Variants in PTPRD observed in about 807,000 individuals in gnomAD.
The protein encoded by PTPRD is receptor-type tyrosine-protein phosphatase delta.
PTPRD carries 34 observed loss-of-function variants against 214.5 expected under a neutral mutation model. The ratio of observed to expected loss-of-function variants is 0.16; its 90% CI spans 0.12 to 0.21. The LOEUF (loss-of-function observed/expected upper bound fraction) is 0.21, where lower values mean the gene tolerates loss of function less well. PTPRD is among the 10% of genes least tolerant of loss of function. PTPRD has a pLI of 1.00. For synonymous variants in PTPRD, 1,128 were observed against 845.7 expected, an observed-to-expected ratio of 1.33 and a Z score of -5.79; for missense variants, 2,545 against 2,398.7, an observed-to-expected ratio of 1.06 and a Z score of -1.27.
intron 9 of PTPRD, among the ~76,000 whole-genome samples, chr9:9,235,534 G>C (rs1403124476): frequency 6.6e-6 from 1 of 151,972 alleles, no homozygotes; most frequent in Admixed American, 6.6e-5. Context: ...CTTGTCTTTT[G>C]TTATAGGGGA....
In PTPRD at chr9:9,963,060, A is replaced by T. The variant is rs531329142; in HGVS notation, c.-471-24450T>A. Among the ~76,000 whole-genome samples, 259 of 152,210 alleles carry T rather than the reference A, an allele frequency of 1.7e-3. 1 individual carries two copies. The highest frequency in any genetic ancestry group is 6.0e-3 in the African/African-American group (250 of 41,562). ...GGTTATCTGACAAGCCTAGGGATGTATAAGAGATTTATTATTTCAGCCAGA... is the reference window on the plus strand; with the variant it reads ...GGTTATCTGACAAGCCTAGGGATGTTTAAGAGATTTATTATTTCAGCCAGA... On this transcript the variant is annotated intron_variant, in intron 4 of 45. Coordinates refer to ENST00000381196, the MANE Select transcript of PTPRD (RefSeq NM_002839.4).
At chr9:8,338,434 G>A (rs1588054580) in intron 43 of PTPRD, among the ~76,000 whole-genome samples, 2 of 152,224 alleles carry the variant, frequency 1.3e-5, no homozygotes, top group South Asian at 4.1e-4. Flanking sequence ...AATCAAATTA[G>A]AATGTGCAAA....
At chr9:9,827,514 G>A (rs2053345881) in intron 5 of PTPRD, among the ~76,000 whole-genome samples, 1 of 152,090 alleles carries the variant, frequency 6.6e-6, no homozygotes. Context: ...ATTCAAGATG[G>A]ATTAAAGACT....
chr9:10,131,313 G>C (rs974110369), intron 3 of PTPRD, among the ~76,000 whole-genome samples: 3 of 152,022 alleles, frequency 2.0e-5, no homozygotes, highest in African/African-American at 7.2e-5. Flanking sequence ...TAACTTTTAT[G>C]CATCAGCATC....
At chr9:9,938,757 T>A (rs2090434370) in intron 4 of PTPRD, 147 bp from the exon 5 acceptor site, 2 of 152,310 alleles carry the variant, frequency 1.3e-5, no homozygotes, top group South Asian at 4.1e-4. Context: ...TTCACCTCTA[T>A]AATTTACATC....
At chr9:9,359,457 T>C (rs1267009862) in intron 9 of PTPRD, among the ~76,000 whole-genome samples, 1 of 151,316 alleles carries the variant, frequency 6.6e-6, no homozygotes, top group Non-Finnish European at 1.5e-5. Context: ...TTTTCATCTC[T>C]GTCCTGATCT....
chr9:10,538,267 TAAA>T (rs2058315262), intron 2 of PTPRD, among the ~76,000 whole-genome samples: 2 of 147,426 alleles, frequency 1.4e-5, no homozygotes, highest in Admixed American at 1.4e-4. Context: ...AATAAATAAA[TAAA>T]TAAATAAATA....
At chr9:9,359,562 C>T (rs1052174526) in intron 9 of PTPRD, among the ~76,000 whole-genome samples, 1 of 151,062 alleles carries the variant, frequency 6.6e-6, no homozygotes, top group Admixed American at 6.6e-5. Flanking sequence ...TAATTATTAC[C>T]CCTCCCAATT....
intron 7 of PTPRD, among the ~76,000 whole-genome samples, chr9:9,670,772 C>A (rs1017298684): frequency 6.6e-6 from 1 of 152,102 alleles, no homozygotes; most frequent in Non-Finnish European, 1.5e-5. Flanking sequence ...TGCGGGTGCA[C>A]AGAAGTCAAG....
At chr9:10,552,312 T>C (rs2061523308) in intron 2 of PTPRD, among the ~76,000 whole-genome samples, 1 of 152,144 alleles carries the variant, frequency 6.6e-6, no homozygotes, top group Admixed American at 6.5e-5. Context: ...TTCTAAATTC[T>C]CTAAATATGA....
At chr9:8,639,532 G>C (rs774398720) in intron 12 of PTPRD, among the ~76,000 whole-genome samples, 1 of 152,142 alleles carries the variant, frequency 6.6e-6, no homozygotes, top group Non-Finnish European at 1.5e-5. Context: ...TACATTGAAG[G>C]GCTGTTGCAT....
chr9:10,194,455 A>G (rs1238363387), intron 3 of PTPRD, among the ~76,000 whole-genome samples: 1 of 151,350 alleles, frequency 6.6e-6, no homozygotes, highest in Admixed American at 6.6e-5. Flanking sequence ...TTATATAATT[A>G]TAAAGTGAGA....
intron 10 of PTPRD, among the ~76,000 whole-genome samples, chr9:9,081,741 A>G (rs2154422180): frequency 6.6e-6 from 1 of 151,200 alleles, no homozygotes; most frequent in Middle Eastern, 3.4e-3. Context: ...TTCCTTTACC[A>G]TTATGTAGTG....
chr9:9,213,239 G>A (rs1219657208), intron 9 of PTPRD, among the ~76,000 whole-genome samples: 1 of 152,090 alleles, frequency 6.6e-6, no homozygotes. Context: ...CTCATTAACT[G>A]AGAGGCGTAA....
At chr9:9,853,644 G>A (rs768736909) in intron 5 of PTPRD, among the ~76,000 whole-genome samples, 2 of 151,982 alleles carry the variant, frequency 1.3e-5, no homozygotes, top group African/African-American at 2.4e-5. Flanking sequence ...TCCCTCCCAG[G>A]TTCAAGCAAT....
At chr9:9,089,709 G>C (rs898318106) in intron 10 of PTPRD, among the ~76,000 whole-genome samples, 1 of 152,122 alleles carries the variant, frequency 6.6e-6, no homozygotes, top group Non-Finnish European at 1.5e-5. Flanking sequence ...ATAATGCAGA[G>C]TAAGAACGAA....
chr9:9,207,286 T>C (rs1006586551), intron 9 of PTPRD, among the ~76,000 whole-genome samples: 1 of 152,140 alleles, frequency 6.6e-6, no homozygotes, highest in African/African-American at 2.4e-5. Context: ...GACAACCGCA[T>C]GGAGACAGGG....
chr9:9,234,631 G>C (rs1241604612), intron 9 of PTPRD, among the ~76,000 whole-genome samples: 1 of 152,168 alleles, frequency 6.6e-6, no homozygotes, highest in Admixed American at 6.6e-5. Context: ...TCTTCTGCCA[G>C]ATACCCTAAA....
At chr9:9,681,328 T>C (rs1595076944) in intron 7 of PTPRD, among the ~76,000 whole-genome samples, 1 of 151,720 alleles carries the variant, frequency 6.6e-6, no homozygotes, top group Non-Finnish European at 1.5e-5. Context: ...TCAACTATTA[T>C]CTTGAAGTTT....
Sources: allele counts gnomAD v4.1 joint callset (sites outside exome capture counted in the v4.1 genomes callset), GRCh38; gene constraint gnomAD v4.1.1; transcripts MANE v1.5; gene names NCBI Gene and HGNC (gene_info 2026-07-23, HGNC 2026-07-21).